GPR89B: variants seen among roughly 807,000 people sequenced by gnomAD.
GPR89B encodes golgi pH regulator B.
In GPR89B, 25 loss-of-function variants were observed where a neutral mutation model predicts 52.4. That is an observed-to-expected ratio of 0.48 (90% CI 0.35 to 0.67). GPR89B has a LOEUF of 0.67. Ranked by LOEUF, GPR89B falls within the 30% of genes least tolerant of loss-of-function variation. GPR89B has a pLI of 0.01. For synonymous variants in GPR89B, 52 were observed against 151.2 expected (o/e 0.34, Z 4.81); for missense variants, 146 against 450.2 (o/e 0.32, Z 6.11).
At chr1:148,014,012 C>T in the GPR89B span, among the ~76,000 whole-genome samples, 1 of 151,314 alleles carries the variant, frequency 6.6e-6, no homozygotes, top group Non-Finnish European at 1.5e-5. Flanking sequence ...ATCTTGTCTC[C>T]AAAGACTGTA....
intron 1 of GPR89B, among the ~76,000 whole-genome samples, chr1:147,932,512 T>C (rs1366486232): frequency 6.6e-6 from 1 of 152,152 alleles, no homozygotes; most frequent in Non-Finnish European, 1.5e-5. Flanking sequence ...AATCAGCTAC[T>C]TGTTTCATTC....
At chr1:147,996,509 C>T, downstream of GPR89B, 1 of 1,553,630 alleles carries the variant, frequency 6.4e-7, no homozygotes, top group Non-Finnish European at 8.8e-7. Flanking sequence ...GCTGCTGGAA[C>T]CAGATTACCA....
chr1:147,998,866 G>A, the GPR89B span, among the ~76,000 whole-genome samples: 32 of 145,480 alleles, frequency 2.2e-4, no homozygotes, highest in Admixed American at 1.6e-3. Context: ...GGACAACAGC[G>A]GGAGACTCTG....
chr1:147,948,016 G>GC (rs1558041911), intron 5 of GPR89B, among the ~76,000 whole-genome samples: 1 of 152,122 alleles, frequency 6.6e-6, no homozygotes, highest in African/African-American at 2.4e-5. Context: ...CTTGGTTTCT[G>GC]CCCCCCTGAA....
the GPR89B span, among the ~76,000 whole-genome samples, chr1:148,013,787 C>T: frequency 6.6e-6 from 1 of 150,454 alleles, no homozygotes; most frequent in African/African-American, 2.4e-5. Context: ...CATCCAACTC[C>T]CTCTCCAAGT....
intron 4 of GPR89B, 60 bp from the exon 5 acceptor site, chr1:147,943,937 T>TA: frequency 1.0e-6 from 1 of 967,124 alleles, no homozygotes; most frequent in Admixed American, 2.6e-5. Context: ...TATTTTTAAA[T>TA]AGAGCAAGCT....
chr1:148,010,071 T>C, the GPR89B span: 2 of 150,252 alleles, frequency 1.3e-5, no homozygotes, highest in Non-Finnish European at 2.9e-5. Context: ...AAAAAAACTC[T>C]AGTGTTATAA....
At chr1:148,020,773 C>T in the GPR89B span, among the ~76,000 whole-genome samples, 1 of 151,986 alleles carries the variant, frequency 6.6e-6, no homozygotes. Flanking sequence ...CTGCAACCTC[C>T]ACCTTCCAGG....
intron 8 of GPR89B, chr1:147,967,434 TA>T (rs1657114993): frequency 6.6e-6 from 1 of 151,312 alleles, no homozygotes; most frequent in East Asian, 2.0e-4. Flanking sequence ...TGTCTCAAAA[TA>T]AAAAAGAAAG....
the GPR89B span, among the ~76,000 whole-genome samples, chr1:148,020,725 C>G: frequency 1.3e-5 from 2 of 151,982 alleles, no homozygotes; most frequent in South Asian, 4.1e-4. Context: ...CTCTGTCTGG[C>G]CCCCCAGATT....
intron 5 of GPR89B, among the ~76,000 whole-genome samples, chr1:147,949,253 C>T (rs1294379204): frequency 6.6e-6 from 1 of 151,974 alleles, no homozygotes; most frequent in Non-Finnish European, 1.5e-5. Context: ...GTCATCATGG[C>T]CCGGTCTCAA....
intron 1 of GPR89B, among the ~76,000 whole-genome samples, chr1:147,932,551 C>T (rs1162664826): frequency 6.6e-6 from 1 of 152,112 alleles, no homozygotes; most frequent in Non-Finnish European, 1.5e-5. Context: ...ATCTTTGTCA[C>T]TCTCCTCAAA....
the GPR89B span, among the ~76,000 whole-genome samples, chr1:148,015,296 T>TCTCTCTCTCC: frequency 1.3e-5 from 1 of 79,968 alleles, no homozygotes; most frequent in Admixed American, 1.2e-4. Flanking sequence ...TTCTAGGATC[T>TCTCTCTCTCC]CTCTCTCTCT....
the GPR89B span, among the ~76,000 whole-genome samples, chr1:148,018,832 A>G: frequency 6.6e-6 from 1 of 151,114 alleles, no homozygotes; most frequent in Non-Finnish European, 1.5e-5. Context: ...ATACCCAGCT[A>G]ATTTTGTATT....
the GPR89B span, among the ~76,000 whole-genome samples, chr1:147,999,872 C>G: frequency 1.3e-5 from 2 of 152,198 alleles, no homozygotes; most frequent in South Asian, 4.1e-4. Flanking sequence ...TTCACTGTAG[C>G]TACTACCCCT....
intron 10 of GPR89B, among the ~76,000 whole-genome samples, chr1:147,979,167 G>A (rs1406254956): frequency 6.6e-6 from 1 of 151,970 alleles, no homozygotes; most frequent in Non-Finnish European, 1.5e-5. Context: ...CTCTCCGTGG[G>A]TTGTGCCAAC....
At chr1:147,971,071 G>A (rs1657425087) in intron 10 of GPR89B, among the ~76,000 whole-genome samples, 2 of 151,552 alleles carry the variant, frequency 1.3e-5, no homozygotes, top group South Asian at 4.2e-4. Flanking sequence ...TTCATTCAGT[G>A]GGAGATAATG....
At chr1:147,982,084 G>A (rs1312063575) in intron 10 of GPR89B, among the ~76,000 whole-genome samples, 3 of 146,190 alleles carry the variant, frequency 2.1e-5, no homozygotes, top group Non-Finnish European at 3.0e-5. Context: ...TACTGAGGTG[G>A]AGTCTCGCTC....
chr1:147,967,764 A>G (rs2149075282), intron 8 of GPR89B: 1 of 152,868 alleles, frequency 6.5e-6, no homozygotes, highest in South Asian at 2.0e-4. Flanking sequence ...AAAAGGATTA[A>G]TTTAGATTTA....
Sources: allele counts gnomAD v4.1 joint callset (sites outside exome capture counted in the v4.1 genomes callset), GRCh38; gene constraint gnomAD v4.1.1; transcripts MANE v1.5; gene names NCBI Gene and HGNC (gene_info 2026-07-23, HGNC 2026-07-21).